TMEM232: variants seen among roughly 807,000 people sequenced by gnomAD.
TMEM232 encodes transmembrane protein 232.
In TMEM232, 80 loss-of-function variants were observed where a neutral mutation model predicts 78.8. That is an observed-to-expected ratio of 1.01 (90% CI 0.85 to 1.22). The LOEUF is 1.22. TMEM232 is among the 50% of genes most tolerant of loss of function. TMEM232 has a pLI of 0.00. For synonymous variants in TMEM232, 297 were observed against 254.3 expected (o/e 1.17, Z -1.60); for missense variants, 881 against 742.2 (o/e 1.19, Z -2.17).
At chr5:110,588,453 C>A (rs1031138505) in intron 10 of TMEM232, among the ~76,000 whole-genome samples, 1 of 152,010 alleles carries the variant, frequency 6.6e-6, no homozygotes, top group Non-Finnish European at 1.5e-5. Context: ...TAATTATAAG[C>A]CATATGGAAA....
At chr5:110,736,924 A>G (rs1799230992) in intron 1 of TMEM232, among the ~76,000 whole-genome samples, 1 of 150,630 alleles carries the variant, frequency 6.6e-6, no homozygotes, top group Non-Finnish European at 1.5e-5. Context: ...TCTCCCACAT[A>G]TTCACAAATG....
At chr5:110,731,320 TG>T (rs1798658981), upstream of TMEM232, among the ~76,000 whole-genome samples, 1 of 152,200 alleles carries the variant, frequency 6.6e-6, no homozygotes, top group African/African-American at 2.4e-5. Flanking sequence ...CCTAACATTC[TG>T]GGGTCTGGAG....
intron 11 of TMEM232, among the ~76,000 whole-genome samples, chr5:110,546,920 T>A (rs183252051): frequency 2.6e-5 from 4 of 151,574 alleles, no homozygotes; most frequent in Non-Finnish European, 4.4e-5. Flanking sequence ...ACCTTTGGAG[T>A]TTTATTACTG....
At chr5:110,617,859 C>T in intron 8 of TMEM232, 1 of 155,934 alleles carries the variant, frequency 6.4e-6, no homozygotes, top group Non-Finnish European at 1.4e-5. Flanking sequence ...ACAAAAATAG[C>T]CAGTGTGGTG....
At chr5:110,415,491 CT>C (rs1012997462), downstream of TMEM232, among the ~76,000 whole-genome samples, 61 of 145,648 alleles carry the variant, frequency 4.2e-4, no homozygotes, top group East Asian at 8.0e-4. Context: ...CCGACCCCAA[CT>C]TTTTTTTTTT....
At chr5:110,410,623 T>G (rs6885245) in intron 2 of TMEM232, among the ~76,000 whole-genome samples, 14,167 of 152,212 alleles carry the variant, frequency 0.093, 860 homozygotes, top group South Asian at 0.17. Context: ...GTTCTCATAT[T>G]CCTTTCCAAT....
rs201778765 is a variant in TMEM232, at chr5:110,471,628, AG to A, written c.1704-46713del. On this transcript the variant is annotated intron_variant, in intron 12 of 13. Coordinates refer to ENST00000455884, the MANE Select transcript of TMEM232 (RefSeq NM_001039763.4). ...TCCAAGTGCTGAAAGAAAAAAAAAA[AG>A]AAGACAAAAAAAACCTGGCAGCCAA... Among the ~76,000 whole-genome samples the A allele has an allele frequency of 3.9e-3, 587 of 151,770 alleles. 5 individuals are homozygous for A. The highest frequency in any genetic ancestry group is 0.013 in the African/African-American group (543 of 41,432).
chr5:110,695,885 T>A (rs1356599840), intron 1 of TMEM232, among the ~76,000 whole-genome samples: 14 of 152,186 alleles, frequency 9.2e-5, no homozygotes, highest in Admixed American at 9.2e-4. Flanking sequence ...AAGGAGAAGC[T>A]GGTACCATTC....
At chr5:110,707,213 T>A (rs1796008470) in intron 1 of TMEM232, among the ~76,000 whole-genome samples, 1 of 152,104 alleles carries the variant, frequency 6.6e-6, no homozygotes, top group African/African-American at 2.4e-5. Context: ...TTACAGTACC[T>A]GATTTTAACT....
chr5:110,439,247 C>T (rs1758767037), intron 12 of TMEM232, among the ~76,000 whole-genome samples: 1 of 152,130 alleles, frequency 6.6e-6, no homozygotes, highest in South Asian at 2.1e-4. Flanking sequence ...TCCTTGGCTA[C>T]TTTTTAAAGG....
At chr5:110,421,676 T>A (rs1221428691) in intron 13 of TMEM232, among the ~76,000 whole-genome samples, 1 of 152,140 alleles carries the variant, frequency 6.6e-6, no homozygotes, top group Non-Finnish European at 1.5e-5. Flanking sequence ...TATATACCAG[T>A]ACTGTGAATC....
At chr5:110,423,069 C>T (rs1756845004) in intron 13 of TMEM232, among the ~76,000 whole-genome samples, 1 of 152,108 alleles carries the variant, frequency 6.6e-6, no homozygotes, top group African/African-American at 2.4e-5. Context: ...TATGATAACC[C>T]TTCAACAAAA....
At position 110,642,328 on chromosome 5, in the gene TMEM232, G is replaced by C. The variant is rs1039548055; in HGVS notation, c.169C>G (p.Gln57Glu). 6.5e-7 allele frequency: 1 copy of C among 1,537,122 alleles called. No homozygotes were observed. Among genetic ancestry groups the C allele is most frequent in the East Asian group, 2.5e-5 (1 of 40,106 alleles). ...TCCTTCTCTTTGGAATTTTGTGTTTGATTGAATCTCAAGATGAATTCTTTT... is the reference window on the plus strand; with the variant it reads ...TCCTTCTCTTTGGAATTTTGTGTTTCATTGAATCTCAAGATGAATTCTTTT... Reference protein sequence around the residue: ...ITKEFILRFNQTQNSKEKEEL... With the variant: ...ITKEFILRFNETQNSKEKEEL... Residue 57 changes from glutamine (Q) to glutamate (E), a missense_variant, in exon 3 of 14, where the codon CAA becomes GAA. Transcript: ENST00000455884.
In TMEM232 at chr5:110,451,951, A is replaced by C. The variant is rs17132156; in HGVS notation, c.1704-27035T>G. On this transcript the variant is annotated intron_variant, in intron 12 of 13. Transcript: ENST00000455884. Reference sequence around the variant, plus strand: ...AAAATCTGTTTAAAAACAAGTGCTAAGATATTGAGAGAAGTTTCAGCTACT... The same window carrying C: ...AAAATCTGTTTAAAAACAAGTGCTACGATATTGAGAGAAGTTTCAGCTACT... Among the ~76,000 whole-genome samples, 986 of 152,262 alleles carry C rather than the reference A, an allele frequency of 6.5e-3. 10 individuals are homozygous for C. The highest frequency in any genetic ancestry group is 0.022 in the African/African-American group (924 of 41,564).
At chr5:110,554,128 G>T (rs1012394831) in intron 11 of TMEM232, among the ~76,000 whole-genome samples, 2 of 152,142 alleles carry the variant, frequency 1.3e-5, no homozygotes, top group African/African-American at 4.8e-5. Context: ...TCCTGGGTGT[G>T]TCTGTGAGGG....
intron 1 of TMEM232, among the ~76,000 whole-genome samples, chr5:110,703,888 A>G (rs953678445): frequency 4.6e-5 from 7 of 152,072 alleles, no homozygotes; most frequent in African/African-American, 1.7e-4. Flanking sequence ...AAGCTTTTCA[A>G]ATTACTCGGC....
chr5:110,709,780 AG>A (rs1796287815), intron 1 of TMEM232, among the ~76,000 whole-genome samples: 1 of 152,078 alleles, frequency 6.6e-6, no homozygotes, highest in African/African-American at 2.4e-5. Flanking sequence ...ACATCAAAAA[AG>A]AAGAAACACT....
chr5:110,492,191 C>T (rs1010041609), intron 12 of TMEM232, among the ~76,000 whole-genome samples: 1 of 151,292 alleles, frequency 6.6e-6, no homozygotes, highest in African/African-American at 2.4e-5. Flanking sequence ...TACCCTAAAA[C>T]TTAAAGTATA....
intron 13 of TMEM232, among the ~76,000 whole-genome samples, chr5:110,423,459 AAAAT>A (rs1197886175): frequency 4.6e-5 from 7 of 152,334 alleles, no homozygotes; most frequent in South Asian, 4.1e-4. Flanking sequence ...AATACTGAAA[AAAAT>A]AAATATAATA....
Sources: gnomAD v4.1 joint callset for allele counts (sites outside exome capture counted in the v4.1 genomes callset) on GRCh38, gnomAD v4.1.1 for gene constraint, MANE v1.5 for transcripts, NCBI Gene and HGNC (gene_info 2026-07-23, HGNC 2026-07-21) for gene names.